PCCA: variants seen among roughly 807,000 people sequenced by gnomAD.
PCCA encodes the protein propionyl-CoA carboxylase alpha chain, mitochondrial.
Under a neutral mutation model 101.3 loss-of-function variants are expected in PCCA, and 74 were observed. The ratio of observed to expected loss-of-function variants is 0.73; its 90% CI spans 0.61 to 0.89. The LOEUF is 0.89. Ranked by LOEUF, PCCA falls within the 40% of genes least tolerant of loss-of-function variation. The pLI, the probability that PCCA is intolerant of heterozygous loss-of-function variation, is 0.00. For missense variants in PCCA, 891 were observed against 907.0 expected (o/e 0.98, Z 0.23); for synonymous variants, 294 against 313.6 (o/e 0.94, Z 0.66).
chr13:100,491,055 A>G (rs2084868531), intron 21 of PCCA: 1 of 152,054 alleles, frequency 6.6e-6, no homozygotes, highest in Non-Finnish European at 1.5e-5. Context: ...AAAGTTCCTG[A>G]ATGCTGCTGC....
intron 22 of PCCA, among the ~76,000 whole-genome samples, chr13:100,517,955 A>T (rs2086957718): frequency 6.6e-6 from 1 of 152,160 alleles, no homozygotes; most frequent in Non-Finnish European, 1.5e-5. Context: ...TTGTGAGGAA[A>T]CACTACCTGT....
intron 16 of PCCA, among the ~76,000 whole-genome samples, chr13:100,311,736 C>G (rs1269415710): frequency 2.6e-5 from 4 of 152,160 alleles, no homozygotes; most frequent in African/African-American, 4.8e-5. Flanking sequence ...CGCCATCACA[C>G]TCCAGCCTGG....
At chr13:100,309,258 G>T (rs1014864873) in intron 15 of PCCA, among the ~76,000 whole-genome samples, 3 of 152,158 alleles carry the variant, frequency 2.0e-5, no homozygotes, top group Admixed American at 1.3e-4. Flanking sequence ...TTAGCTGGGC[G>T]TGGTGACACA....
chr13:100,290,194 A>AT (rs2065019127), intron 12 of PCCA, among the ~76,000 whole-genome samples: 1 of 151,242 alleles, frequency 6.6e-6, no homozygotes, highest in African/African-American at 2.4e-5. Flanking sequence ...AGTTTGCCCA[A>AT]TTTTTTTTAT....
chr13:100,157,487 A>C, intron 6 of PCCA, 147 bp downstream of exon 6: 1 of 657,942 alleles, frequency 1.5e-6, no homozygotes, highest in African/African-American at 1.8e-5. Context: ...AAGTGGTTTT[A>C]GTCTGAAACT....
chr13:100,161,861 T>G (rs187758686), intron 6 of PCCA, among the ~76,000 whole-genome samples: 1 of 152,290 alleles, frequency 6.6e-6, no homozygotes, highest in East Asian at 1.9e-4. Flanking sequence ...ATGACATAAA[T>G]TTTCTTATTA....
chr13:100,306,901 G>A (rs1167243198), intron 14 of PCCA, among the ~76,000 whole-genome samples: 1 of 152,234 alleles, frequency 6.6e-6, no homozygotes, highest in African/African-American at 2.4e-5. Context: ...TCAGCTGGAA[G>A]ACACCATCAG....
Position 100,340,091 on chromosome 13 carries a change from TAGGAG to T in PCCA, c.1541-63_1541-59del. 16 of 893,218 alleles carry T rather than the reference TAGGAG, an allele frequency of 1.8e-5. 1 individual carries two copies. The South Asian group carries it at 2.1e-4, about 12-fold the overall frequency. The allele number at this position is 893,218 out of a possible 1,614,324, so 55.3% of individuals were successfully genotyped here. ...CTTGTTTGAATGACTAGTAATTCTA[TAGGAG>T]AGAAGCACAGATGTTAAAATAAATG... On this transcript the variant is annotated intron_variant, in intron 17 of 23. Coordinates refer to ENST00000376285, the MANE Select transcript of PCCA (RefSeq NM_000282.4).
At chr13:100,461,463 C>T (rs1156278054) in intron 21 of PCCA, among the ~76,000 whole-genome samples, 1 of 152,186 alleles carries the variant, frequency 6.6e-6, no homozygotes, top group Non-Finnish European at 1.5e-5. Flanking sequence ...TTTTCTTTAT[C>T]TGTACTCTTG....
chr13:100,353,997 C>T (rs376104642), intron 18 of PCCA, among the ~76,000 whole-genome samples: 4 of 150,654 alleles, frequency 2.7e-5, no homozygotes, highest in South Asian at 2.1e-4. Flanking sequence ...TGGTGGCTAA[C>T]GCCTGTAATC....
Position 100,460,161 on chromosome 13 carries a change from G to A in PCCA, c.1899+10856G>A, listed in dbSNP as rs79337197. 6.1e-3 allele frequency among the ~76,000 whole-genome samples: 925 copies of A among 152,324 alleles called. 15 individuals carry two copies. The highest frequency in any genetic ancestry group is 0.014 in the African/African-American group (590 of 41,572). On this transcript the variant is annotated intron_variant, in intron 21 of 23. Transcript: ENST00000376285. ...TGGGTTTTGTTTGTTTTGTTTGCAT[G>A]TTTTGGTGAAGCTGTGAGTCTGTGT...
At chr13:100,437,316 A>G (rs952534106) in intron 20 of PCCA, among the ~76,000 whole-genome samples, 4 of 152,158 alleles carry the variant, frequency 2.6e-5, no homozygotes, top group Non-Finnish European at 5.9e-5. Flanking sequence ...AACTTTGAAT[A>G]TGGAGCTAGT....
intron 19 of PCCA, among the ~76,000 whole-genome samples, chr13:100,382,303 A>G (rs1287109937): frequency 3.3e-5 from 5 of 152,164 alleles, no homozygotes; most frequent in Non-Finnish European, 5.9e-5. Context: ...CGGTTACTCC[A>G]TCAAGCTGTC....
At position 100,530,146 on chromosome 13, in the gene PCCA, C is replaced by T. The variant is rs748808267; in HGVS notation, c.2167C>T (p.Leu723=). The change falls in exon 24 of 24, where the codon CTG becomes TTG. Residue 723 remains leucine, a synonymous_variant. Coordinates refer to ENST00000376285, the MANE Select transcript of PCCA (RefSeq NM_000282.4). ...TGGAGACACAGTTGGAGAAGGGGATCTGCTCGTGGAGCTGGAATGAAGGAT... is the reference window on the plus strand; with the variant it reads ...TGGAGACACAGTTGGAGAAGGGGATTTGCTCGTGGAGCTGGAATGAAGGAT... ...QAGDTVGEGD[L]LVELE is the part of the protein sequence containing the mutation. 6.2e-7 allele frequency: 1 copy of T among 1,613,912 alleles called. No individual in the cohort carries two copies. Among genetic ancestry groups the T allele is most frequent in the Non-Finnish European group, 8.5e-7 (1 of 1,179,770 alleles).
intron 6 of PCCA, among the ~76,000 whole-genome samples, chr13:100,203,506 A>T (rs2058665120): frequency 6.6e-6 from 1 of 151,940 alleles, no homozygotes; most frequent in African/African-American, 2.4e-5. Context: ...CTCGGCCAAC[A>T]TGGTGAAACC....
At chr13:100,447,077 G>A (rs538461161) in intron 20 of PCCA, among the ~76,000 whole-genome samples, 3 of 152,132 alleles carry the variant, frequency 2.0e-5, no homozygotes, top group African/African-American at 7.2e-5. Context: ...TTTTCCTCAG[G>A]ATAAATTCTT....
At chr13:100,115,505 T>C (rs879699339) in intron 4 of PCCA, among the ~76,000 whole-genome samples, 3 of 152,178 alleles carry the variant, frequency 2.0e-5, no homozygotes, top group Non-Finnish European at 2.9e-5. Flanking sequence ...TTATACATTG[T>C]ATGCTTGTAT....
chr13:100,143,630 T>A (rs1260075328), intron 4 of PCCA, among the ~76,000 whole-genome samples: 1 of 152,052 alleles, frequency 6.6e-6, no homozygotes, highest in Non-Finnish European at 1.5e-5. Flanking sequence ...CTTGAGCTCC[T>A]TCAAAGTACT....
At chr13:100,317,026 G>C (rs574740076) in intron 16 of PCCA, among the ~76,000 whole-genome samples, 1 of 152,120 alleles carries the variant, frequency 6.6e-6, no homozygotes, top group Admixed American at 6.6e-5. Flanking sequence ...GCCTGCCTCG[G>C]CCTCCCAAAA....
Sources: gnomAD v4.1 joint callset for allele counts (sites outside exome capture counted in the v4.1 genomes callset) on GRCh38, gnomAD v4.1.1 for gene constraint, MANE v1.5 for transcripts, NCBI Gene and HGNC (gene_info 2026-07-23, HGNC 2026-07-21) for gene names.